MEIKIN: variants seen among roughly 807,000 people sequenced by gnomAD.
MEIKIN encodes the protein meiotic kinetochore factor, also known as meiosis-specific kinetochore protein.
At chr5:131,905,629 A>C (rs1288386948) in intron 8 of MEIKIN, among the ~76,000 whole-genome samples, 3 of 152,172 alleles carry the variant, frequency 2.0e-5, no homozygotes, top group Admixed American at 2.0e-4. Context: ...AATACAAAAA[A>C]CTCTCAGAGA....
At chr5:131,856,791 A>G (rs1349688862) in intron 9 of MEIKIN, among the ~76,000 whole-genome samples, 1 of 151,552 alleles carries the variant, frequency 6.6e-6, no homozygotes, top group Non-Finnish European at 1.5e-5. Flanking sequence ...GTTAAAATAT[A>G]TATATATATA....
intron 4 of MEIKIN, among the ~76,000 whole-genome samples, chr5:131,936,182 G>A (rs1751773037): frequency 6.6e-6 from 1 of 152,202 alleles, no homozygotes; most frequent in Non-Finnish European, 1.5e-5. Context: ...GTATCAGTGG[G>A]AGGCTGTCCT....
chr5:131,896,475 G>T (rs1751053715), intron 8 of MEIKIN, among the ~76,000 whole-genome samples: 2 of 152,196 alleles, frequency 1.3e-5, no homozygotes, highest in Non-Finnish European at 2.9e-5. Context: ...AATATTGACA[G>T]TGGGGTGTTA....
intron 8 of MEIKIN, among the ~76,000 whole-genome samples, chr5:131,885,030 A>G (rs1326168205): frequency 6.6e-6 from 1 of 152,046 alleles, no homozygotes; most frequent in African/African-American, 2.4e-5. Flanking sequence ...AAACCAAGTA[A>G]ACTGCTAAGG....
At chr5:131,935,889 C>CA (rs79494960) in intron 4 of MEIKIN, among the ~76,000 whole-genome samples, 33,064 of 152,150 alleles carry the variant, frequency 0.22, 3,858 homozygotes, top group East Asian at 0.49. Context: ...CCTCAACTGT[C>CA]AGAGTAGTAG....
At chr5:131,811,130 AATGGGGAGGG>A (rs1772945274) in intron 12 of MEIKIN, among the ~76,000 whole-genome samples, 1 of 152,094 alleles carries the variant, frequency 6.6e-6, no homozygotes. Flanking sequence ...GTTCAACATT[AATGGGGAGGG>A]GAATTAAGGG....
rs1413821244 is a variant in MEIKIN at position 131,807,126 on chromosome 5, G to GAATTTTT, written c.*103_*109dup. 2 of 397,102 alleles carry GAATTTTT rather than the reference G, an allele frequency of 5.0e-6. No homozygotes were observed. The highest frequency in any genetic ancestry group is 4.1e-5 in the African/African-American group (2 of 48,542). 24.6% of individuals were successfully genotyped at this position (397,102 alleles called of 1,614,324 possible). A position where few individuals can be genotyped will look rare whatever the true frequency, so the allele number is the denominator to read the frequency against. On this transcript the variant is annotated 3_prime_UTR_variant, in exon 13 of 13. Transcript: ENST00000442687. ...TAGAGATATATCACAAATAACTGGA[G>GAATTTTT]AATTTTTAATTTTTAATTTCATATA...
chr5:131,850,045 T>TA (rs1750085220), intron 11 of MEIKIN, among the ~76,000 whole-genome samples: 1 of 103,392 alleles, frequency 9.7e-6, no homozygotes. Flanking sequence ...GAAAAGAAAT[T>TA]ACCAAAAAAA....
chr5:131,884,662 G>C (rs574717201), intron 8 of MEIKIN, among the ~76,000 whole-genome samples: 1 of 152,106 alleles, frequency 6.6e-6, no homozygotes, highest in Non-Finnish European at 1.5e-5. Context: ...GAAATGTAAA[G>C]GAGATTTTAT....
At chr5:131,937,926 T>C (rs1751808101) in intron 4 of MEIKIN, among the ~76,000 whole-genome samples, 1 of 152,102 alleles carries the variant, frequency 6.6e-6, no homozygotes, top group African/African-American at 2.4e-5. Context: ...AGTATCTCTG[T>C]TCATACTATT....
chr5:131,893,981 C>T (rs1256972734), intron 8 of MEIKIN, among the ~76,000 whole-genome samples: 2 of 152,118 alleles, frequency 1.3e-5, no homozygotes, highest in East Asian at 3.9e-4. Context: ...CCCATGTCTA[C>T]GTCACGAATG....
chr5:131,899,027 A>C (rs928154631), intron 8 of MEIKIN, among the ~76,000 whole-genome samples: 2 of 152,182 alleles, frequency 1.3e-5, no homozygotes, highest in Admixed American at 1.3e-4. Context: ...TGGGAGCTGC[A>C]GACCGGGGCT....
intron 9 of MEIKIN, among the ~76,000 whole-genome samples, chr5:131,874,261 A>C (rs1419049516): frequency 6.6e-6 from 1 of 152,202 alleles, no homozygotes; most frequent in Non-Finnish European, 1.5e-5. Flanking sequence ...AGACTAATAA[A>C]GAAGAAAAGA....
At chr5:131,842,529 G>C (rs1194072922) in intron 11 of MEIKIN, among the ~76,000 whole-genome samples, 2 of 151,948 alleles carry the variant, frequency 1.3e-5, no homozygotes, top group Non-Finnish European at 2.9e-5. Context: ...TTTTGTCAAT[G>C]GTTTTTAAGC....
intron 8 of MEIKIN, among the ~76,000 whole-genome samples, chr5:131,892,523 T>C (rs916984503): frequency 2.6e-5 from 4 of 152,386 alleles, no homozygotes; most frequent in African/African-American, 9.6e-5. Flanking sequence ...CTGAGGCTTA[T>C]GCATTCGTCA....
At chr5:131,842,752 C>T (rs564299100) in intron 11 of MEIKIN, among the ~76,000 whole-genome samples, 1 of 152,284 alleles carries the variant, frequency 6.6e-6, no homozygotes, top group East Asian at 1.9e-4. Flanking sequence ...ACTTCAATCA[C>T]ATACATTCTA....
At chr5:131,873,220 CA>C (rs1750540240) in intron 9 of MEIKIN, among the ~76,000 whole-genome samples, 1 of 152,178 alleles carries the variant, frequency 6.6e-6, no homozygotes, top group Non-Finnish European at 1.5e-5. Flanking sequence ...GATAACGAGT[CA>C]AGACCCATCA....
intron 8 of MEIKIN, among the ~76,000 whole-genome samples, chr5:131,901,529 T>C (rs1451041905): frequency 6.6e-6 from 1 of 152,204 alleles, no homozygotes; most frequent in Non-Finnish European, 1.5e-5. Flanking sequence ...CTGCCACTGC[T>C]GCTGGCATGT....
chr5:131,883,039 T>G (rs1262525311), intron 8 of MEIKIN, among the ~76,000 whole-genome samples: 5 of 152,234 alleles, frequency 3.3e-5, no homozygotes, highest in Non-Finnish European at 5.9e-5. Flanking sequence ...ATATATTTAT[T>G]TATCTGTTTA....
Sources: gnomAD v4.1 joint callset for allele counts (sites outside exome capture counted in the v4.1 genomes callset) on GRCh38, gnomAD v4.1.1 for gene constraint, MANE v1.5 for transcripts, NCBI Gene and HGNC (gene_info 2026-07-23, HGNC 2026-07-21) for gene names.